The following NMBR variants were observed in gnomAD, a reference collection of about 807,000 sequenced individuals.
NMBR encodes neuromedin B receptor, also known as neuromedin-B receptor.
NMBR carries 16 observed loss-of-function variants against 20.5 expected under a neutral mutation model. The ratio of observed to expected loss-of-function variants is 0.78; its 90% CI spans 0.53 to 1.19. NMBR has a LOEUF of 1.19. NMBR is among the 50% of genes most tolerant of loss of function. The probability of loss-of-function intolerance (pLI) is 0.00; values close to 1 mark genes in which losing one functional copy is unlikely to be tolerated. For synonymous variants in NMBR, 212 were observed against 196.6 expected, an observed-to-expected ratio of 1.08 and a Z score of -0.65; for missense variants, 582 against 499.1, an observed-to-expected ratio of 1.17 and a Z score of -1.58.
intron 1 of NMBR, among the ~76,000 whole-genome samples, chr6:142,091,778 A>G (rs1777329584): frequency 6.6e-6 from 1 of 152,210 alleles, no homozygotes; most frequent in African/African-American, 2.4e-5. Flanking sequence ...TGTGATTTCT[A>G]TATAAATGAA....
chr6:142,106,893 T>A (rs1373289376), intron 1 of NMBR, among the ~76,000 whole-genome samples: 1 of 152,184 alleles, frequency 6.6e-6, no homozygotes, highest in Admixed American at 6.5e-5. Context: ...AAAACAATGG[T>A]AAGAGTTTCT....
At chr6:142,130,268 TG>T (rs1778116046) in intron 1 of NMBR, among the ~76,000 whole-genome samples, 1 of 151,988 alleles carries the variant, frequency 6.6e-6, no homozygotes, top group South Asian at 2.1e-4. Context: ...AGGAAAAACT[TG>T]GAGAAAATAT....
chr6:142,144,873 T>G (rs963625433), intron 1 of NMBR, among the ~76,000 whole-genome samples: 1 of 151,476 alleles, frequency 6.6e-6, no homozygotes, highest in Non-Finnish European at 1.5e-5. Flanking sequence ...AACAAAATAA[T>G]AATAATTAGC....
At chr6:142,109,218 G>T in intron 1 of NMBR, among the ~76,000 whole-genome samples, 2 of 152,184 alleles carry the variant, frequency 1.3e-5, no homozygotes, top group Middle Eastern at 6.8e-3. Flanking sequence ...GAGGAGAGTG[G>T]CCCCCTTCTC....
chr6:142,142,173 A>G (rs1778372013), intron 1 of NMBR, among the ~76,000 whole-genome samples: 1 of 152,202 alleles, frequency 6.6e-6, no homozygotes, highest in Non-Finnish European at 1.5e-5. Flanking sequence ...ACTTATCCAT[A>G]TATCGATTTT....
intron 1 of NMBR, among the ~76,000 whole-genome samples, chr6:142,090,669 A>G (rs1169001531): frequency 6.6e-6 from 1 of 151,354 alleles, no homozygotes; most frequent in African/African-American, 2.4e-5. Context: ...TTAATATTAC[A>G]TGTAAGTTGA....
intron 1 of NMBR, among the ~76,000 whole-genome samples, chr6:142,112,873 AAT>A (rs1777789888): frequency 7.1e-6 from 1 of 141,478 alleles, no homozygotes; most frequent in Non-Finnish European, 1.6e-5. Flanking sequence ...TATGATAATT[AAT>A]TTGATTAAAA....
Position 142,143,472 on chromosome 6 carries a change from C to T in NMBR, c.-664+3572G>A, listed in dbSNP as rs111282290. On this transcript the variant is annotated intron_variant, in intron 1 of 3. Transcript: ENST00000258042. ...GCTAATTTTGTACTTTTAGTAGAGC[C>T]GGGGTTTCTCCATGTTGGCCAGGCT... 2.0e-3 allele frequency among the ~76,000 whole-genome samples: 298 copies of T among 152,176 alleles called. 1 individual carries two copies. Among genetic ancestry groups the T allele is most frequent in the Middle Eastern group, 0.014 (4 of 294 alleles).
At chr6:142,130,940 G>A (rs1433799318) in intron 1 of NMBR, among the ~76,000 whole-genome samples, 1 of 152,088 alleles carries the variant, frequency 6.6e-6, no homozygotes, top group Admixed American at 6.6e-5. Context: ...TGCCTCCAGA[G>A]TAGGGACAAC....
intron 1 of NMBR, among the ~76,000 whole-genome samples, chr6:142,127,888 G>T (rs1778065863): frequency 6.6e-6 from 1 of 151,768 alleles, no homozygotes; most frequent in Admixed American, 6.6e-5. Context: ...AGGATTTTTT[G>T]GTTGAGTCTT....
chr6:142,083,205 C>T (rs1002345276), intron 2 of NMBR, among the ~76,000 whole-genome samples: 3 of 152,166 alleles, frequency 2.0e-5, no homozygotes, highest in Admixed American at 6.5e-5. Flanking sequence ...TAACAATAAG[C>T]CCCATAAATT....
chr6:142,081,041 A>G (rs1263964426), intron 2 of NMBR, among the ~76,000 whole-genome samples: 2 of 152,230 alleles, frequency 1.3e-5, no homozygotes, highest in Non-Finnish European at 1.5e-5. Context: ...TCTGAAGACT[A>G]GGAAATCTAA....
In NMBR at chr6:142,076,041, T is replaced by A; in HGVS notation, c.780A>T (p.Thr260=). 1.9e-6 allele frequency: 3 copies of A among 1,570,026 alleles called. No individual in the cohort carries two copies. Among genetic ancestry groups the A allele is most frequent in the Non-Finnish European group, 2.6e-6 (3 of 1,161,348 alleles). ...GCACAATTTTAGCCAGGCGTTTCCG[T>A]GTTTCCATCTGCAAATATAAGAAAT... ...YNEHTKKQME[T]RKRLAKIVLV... is the part of the protein sequence containing the mutation. The change falls in exon 4 of 4, where the codon ACA becomes ACT. Residue 260 remains threonine, a synonymous_variant. Coordinates refer to ENST00000258042, the MANE Select transcript of NMBR (RefSeq NM_002511.4).
At chr6:142,146,520 C>G (rs1225518181) in intron 1 of NMBR, among the ~76,000 whole-genome samples, 1 of 151,978 alleles carries the variant, frequency 6.6e-6, no homozygotes, top group Non-Finnish European at 1.5e-5. Context: ...TTAAGAGTTA[C>G]CAGCGTTGAA....
intron 1 of NMBR, among the ~76,000 whole-genome samples, chr6:142,123,864 C>G (rs1777987290): frequency 6.6e-6 from 1 of 151,846 alleles, no homozygotes; most frequent in African/African-American, 2.4e-5. Flanking sequence ...TTTGCCGAAC[C>G]CCTTCCTAGA....
At chr6:142,138,178 T>G (rs968505296) in intron 1 of NMBR, among the ~76,000 whole-genome samples, 2 of 152,190 alleles carry the variant, frequency 1.3e-5, no homozygotes, top group Admixed American at 1.3e-4. Flanking sequence ...TTGATATTAT[T>G]TAAAATCCTT....
At chr6:142,127,132 C>T (rs1160836665) in intron 1 of NMBR, among the ~76,000 whole-genome samples, 2 of 151,834 alleles carry the variant, frequency 1.3e-5, no homozygotes, top group African/African-American at 4.8e-5. Context: ...AGGTCTTACA[C>T]TTAAAACTTT....
chr6:142,077,528 A>G (rs1776974199), intron 3 of NMBR, among the ~76,000 whole-genome samples: 1 of 152,194 alleles, frequency 6.6e-6, no homozygotes, highest in Non-Finnish European at 1.5e-5. Flanking sequence ...AAAGTCTATG[A>G]ATTAATCTAA....
chr6:142,140,112 T>G (rs920812136), intron 1 of NMBR, among the ~76,000 whole-genome samples: 1 of 151,778 alleles, frequency 6.6e-6, no homozygotes, highest in Non-Finnish European at 1.5e-5. Context: ...GAAACATAAA[T>G]GTAATTCAAA....
Sources: allele counts gnomAD v4.1 joint callset (sites outside exome capture counted in the v4.1 genomes callset), GRCh38; gene constraint gnomAD v4.1.1; transcripts MANE v1.5; gene names NCBI Gene and HGNC (gene_info 2026-07-23, HGNC 2026-07-21).